Variants in BCR observed in about 807,000 individuals in gnomAD.
BCR encodes breakpoint cluster region protein.
A neutral mutation model predicts 138.6 loss-of-function variants in BCR; 58 were observed. The observed-to-expected ratio is 0.42, with a 90% CI of 0.34 to 0.52. BCR has a LOEUF of 0.52. Among genes scored for constraint, BCR ranks in the 20% least tolerant of loss-of-function variants. The pLI is 0.06. For missense variants in BCR, 1,599 were observed against 1,727.2 expected, an observed-to-expected ratio of 0.93 and a Z score of 1.32; for synonymous variants, 786 against 730.1, an observed-to-expected ratio of 1.08 and a Z score of -1.23.
chr22:23,198,279 G>T (rs760763643), intron 1 of BCR: 8 of 448,764 alleles, frequency 1.8e-5, no homozygotes, highest in Non-Finnish European at 3.1e-5. Context: ...TCCACCGTCG[G>T]CCTGCTCTGT....
At chr22:23,217,250 C>G (rs1244695049) in intron 1 of BCR, among the ~76,000 whole-genome samples, 1 of 152,232 alleles carries the variant, frequency 6.6e-6, no homozygotes, top group Non-Finnish European at 1.5e-5. Flanking sequence ...AAATCCTTAG[C>G]ATGTTATCCA....
chr22:23,267,451 A>G (rs1196227436), intron 4 of BCR, among the ~76,000 whole-genome samples: 1 of 152,210 alleles, frequency 6.6e-6, no homozygotes, highest in Non-Finnish European at 1.5e-5. Flanking sequence ...TGGTTTATCC[A>G]GCATCTGGGA....
Position 23,240,911 on chromosome 22 carries a change from A to G in BCR, c.1280-12888A>G, listed in dbSNP as rs78386915. ...TGAATTTGACTACTCTAGGAACCTCATATACGTGGAATCTTACGGTATTTG... is the reference window on the plus strand; with the variant it reads ...TGAATTTGACTACTCTAGGAACCTCGTATACGTGGAATCTTACGGTATTTG... On this transcript the variant is annotated intron_variant, in intron 1 of 22. Coordinates refer to ENST00000305877, the MANE Select transcript of BCR (RefSeq NM_004327.4). 7.1e-3 allele frequency among the ~76,000 whole-genome samples: 1,078 copies of G among 152,198 alleles called. 16 individuals carry two copies. The highest frequency in any genetic ancestry group is 0.024 in the African/African-American group (1,016 of 41,508).
At chr22:23,224,298 CGAGGTCCAGGTGGTGG>C (rs1207655224) in intron 1 of BCR, among the ~76,000 whole-genome samples, 1 of 152,124 alleles carries the variant, frequency 6.6e-6, no homozygotes, top group Non-Finnish European at 1.5e-5. Flanking sequence ...GGGGGAGGAC[CGAGGTCCAGGTGGTGG>C]TGATGGCTGC....
intron 1 of BCR, among the ~76,000 whole-genome samples, chr22:23,208,426 T>TA (rs397699802): frequency 1.3e-5 from 2 of 151,860 alleles, no homozygotes; most frequent in African/African-American, 4.8e-5. Context: ...GTTTTTTTTT[T>TA]AATCAAGGTA....
rs1157435910 is a variant in BCR, at chr22:23,315,833, T to G, written c.*311T>G. On this transcript the variant is annotated 3_prime_UTR_variant, in exon 23 of 23. Coordinates refer to ENST00000305877, the MANE Select transcript of BCR (RefSeq NM_004327.4). ...GTGAAGGGAGTGGTTTTTATGAACT[T>G]AACTTAGAGTCTAAAAGATTTCTAC... 33 of 458,720 alleles carry G rather than the reference T, an allele frequency of 7.2e-5. No homozygotes were observed. The highest frequency in any genetic ancestry group is 1.0e-4 in the Non-Finnish European group (25 of 244,358). The allele number at this position is 458,720 out of a possible 1,614,324, so 28.4% of individuals were successfully genotyped here. A position where few individuals can be genotyped will look rare whatever the true frequency, so the allele number is the denominator to read the frequency against.
At chr22:23,224,785 G>A (rs952447245) in intron 1 of BCR, among the ~76,000 whole-genome samples, 1 of 152,150 alleles carries the variant, frequency 6.6e-6, no homozygotes, top group Non-Finnish European at 1.5e-5. Context: ...GGGAGGCTGA[G>A]TCAGGATAAT....
rs1166334306 is a variant in BCR at position 23,180,752 on chromosome 22, C to G, written c.-209C>G. ...AATAGCGGCGCGCGCAGCCCGCGCC[C>G]TTCCCCCCGGCGCGCCCCGCCCCGC... On this transcript the variant is annotated 5_prime_UTR_variant, in exon 1 of 23. Coordinates refer to ENST00000305877, the MANE Select transcript of BCR (RefSeq NM_004327.4). 6.5e-6 allele frequency: 1 copy of G among 153,938 alleles called. No homozygotes were observed. Among genetic ancestry groups the G allele is most frequent in the African/African-American group, 2.4e-5 (1 of 40,862 alleles). 9.5% of individuals were successfully genotyped at this position (153,938 alleles called of 1,614,324 possible). A position where few individuals can be genotyped will look rare whatever the true frequency, so the allele number is the denominator to read the frequency against.
intron 4 of BCR, among the ~76,000 whole-genome samples, chr22:23,266,091 T>C (rs1170401789): frequency 6.6e-6 from 1 of 152,158 alleles, no homozygotes; most frequent in Non-Finnish European, 1.5e-5. Context: ...CTTTTTTTTT[T>C]TCTTTTTCCT....
At chr22:23,247,695 A>T (rs562411940) in intron 1 of BCR, among the ~76,000 whole-genome samples, 1 of 152,186 alleles carries the variant, frequency 6.6e-6, no homozygotes, top group South Asian at 2.1e-4. Flanking sequence ...GTACCCAGGC[A>T]TCACATGGCC....
At chr22:23,282,803 G>A (rs78192781) in intron 8 of BCR, among the ~76,000 whole-genome samples, 5,071 of 152,312 alleles carry the variant, frequency 0.033, 126 homozygotes, top group African/African-American at 0.054. Flanking sequence ...AGTGCAGGGC[G>A]GGCGTCGTCC....
chr22:23,202,749 A>C (rs200129610), intron 1 of BCR, among the ~76,000 whole-genome samples: 1 of 135,102 alleles, frequency 7.4e-6, no homozygotes, highest in African/African-American at 2.9e-5. Flanking sequence ...GTGTGTGTGT[A>C]TATATATATA....
intron 14 of BCR, 115 bp downstream of exon 14, chr22:23,290,528 C>T: frequency 9.5e-7 from 1 of 1,048,588 alleles, no homozygotes; most frequent in South Asian, 1.3e-5. Context: ...GACCACGGGA[C>T]ACCTTTGACC....
At chr22:23,286,552 G>T (rs77049423) in intron 10 of BCR, among the ~76,000 whole-genome samples, 1 of 152,162 alleles carries the variant, frequency 6.6e-6, no homozygotes, top group South Asian at 2.1e-4. Flanking sequence ...CCTATTGACT[G>T]TTACTGTTGC....
At chr22:23,262,555 C>T (rs2073373527) in intron 4 of BCR, among the ~76,000 whole-genome samples, 1 of 152,352 alleles carries the variant, frequency 6.6e-6, no homozygotes, top group East Asian at 1.9e-4. Flanking sequence ...TGAAGCCCCC[C>T]CACCCCCGTT....
chr22:23,271,016 G>A lies in BCR; in HGVS notation c.1861-516G>A, dbSNP rs6003594. On this transcript the variant is annotated intron_variant, in intron 5 of 22. Transcript: ENST00000305877. ...CCAAAGATGGGTGCTCTTCGGAACT[G>A]GCAGCCCCCTGCATGCTGTCTAATT... 3.8e-3 allele frequency among the ~76,000 whole-genome samples: 578 copies of A among 152,328 alleles called. 6 individuals are homozygous for A. Among genetic ancestry groups the A allele is most frequent in the African/African-American group, 0.012 (495 of 41,588 alleles).
intron 1 of BCR, among the ~76,000 whole-genome samples, chr22:23,236,521 C>G (rs929622327): frequency 1.3e-5 from 2 of 152,220 alleles, no homozygotes; most frequent in Admixed American, 1.3e-4. Context: ...GAGCATGGCT[C>G]AGGTGGGATT....
chr22:23,305,294 T>TG (rs1190847587), intron 16 of BCR, among the ~76,000 whole-genome samples: 1 of 152,106 alleles, frequency 6.6e-6, no homozygotes, highest in Non-Finnish European at 1.5e-5. Context: ...CAGGAACAAC[T>TG]GGGGTTGCCC....
intron 16 of BCR, among the ~76,000 whole-genome samples, chr22:23,300,621 C>T (rs781685400): frequency 2.6e-5 from 4 of 152,110 alleles, no homozygotes; most frequent in Admixed American, 6.5e-5. Context: ...ACAGGGAGAC[C>T]GCCCGAAAAT....
Sources: gnomAD v4.1 joint callset for allele counts (sites outside exome capture counted in the v4.1 genomes callset) on GRCh38, gnomAD v4.1.1 for gene constraint, MANE v1.5 for transcripts, NCBI Gene and HGNC (gene_info 2026-07-23, HGNC 2026-07-21) for gene names.